The following RNGTT variants were observed in gnomAD, a reference collection of about 807,000 sequenced individuals.
RNGTT encodes the protein mRNA-capping enzyme.
In RNGTT, 33 loss-of-function variants were observed where a neutral mutation model predicts 79.3. The observed-to-expected ratio is 0.42, with a 90% CI of 0.32 to 0.56. RNGTT has a LOEUF of 0.56. Among genes scored for constraint, RNGTT ranks in the 20% least tolerant of loss-of-function variants. The probability of loss-of-function intolerance (pLI) is 0.17; values close to 1 mark genes in which losing one functional copy is unlikely to be tolerated. For missense variants in RNGTT, 497 were observed against 739.1 expected, an observed-to-expected ratio of 0.67 and a Z score of 3.80; for synonymous variants, 222 against 235.9, an observed-to-expected ratio of 0.94 and a Z score of 0.54.
intron 14 of RNGTT, among the ~76,000 whole-genome samples, chr6:88,655,208 T>C (rs545531145): frequency 2.0e-4 from 31 of 152,324 alleles, no homozygotes; most frequent in Non-Finnish European, 3.1e-4. Context: ...AAATAAATAC[T>C]TTACTCTTAA....
At chr6:88,723,257 G>A (rs1234289469) in intron 13 of RNGTT, among the ~76,000 whole-genome samples, 2 of 152,214 alleles carry the variant, frequency 1.3e-5, no homozygotes, top group Non-Finnish European at 2.9e-5. Flanking sequence ...GTGTGTGTTT[G>A]TGTCTTATGT....
chr6:88,695,062 T>C (rs1170516473), intron 13 of RNGTT, among the ~76,000 whole-genome samples: 4 of 152,070 alleles, frequency 2.6e-5, no homozygotes, highest in African/African-American at 4.8e-5. Context: ...ACTGTAAAAC[T>C]ACTGGAAAAA....
chr6:88,742,881 T>A (rs1777540679), intron 13 of RNGTT, among the ~76,000 whole-genome samples: 1 of 152,224 alleles, frequency 6.6e-6, no homozygotes, highest in Non-Finnish European at 1.5e-5. Context: ...TATATTTACA[T>A]GCAAGGCAAA....
intron 1 of RNGTT, among the ~76,000 whole-genome samples, chr6:88,956,273 T>C (rs1417778604): frequency 6.6e-6 from 1 of 151,558 alleles, no homozygotes; most frequent in African/African-American, 2.4e-5. Flanking sequence ...TTCCTGGAAA[T>C]ATACAACCCT....
chr6:88,752,775 G>T, intron 13 of RNGTT, among the ~76,000 whole-genome samples: 1 of 151,984 alleles, frequency 6.6e-6, no homozygotes, highest in East Asian at 1.9e-4. Flanking sequence ...TAAACCAAAG[G>T]AATGCTTGAG....
At chr6:88,961,197 T>C (rs1785606456) in intron 1 of RNGTT, among the ~76,000 whole-genome samples, 1 of 152,200 alleles carries the variant, frequency 6.6e-6, no homozygotes, top group Admixed American at 6.5e-5. Context: ...CCTCAAACAC[T>C]GGATTCCAAG....
chr6:88,801,810 TACACACACACAG>T (rs1779793468), intron 11 of RNGTT, among the ~76,000 whole-genome samples, 178 bp from the exon 12 acceptor site: 1 of 138,356 alleles, frequency 7.2e-6, no homozygotes, highest in Admixed American at 7.3e-5. Flanking sequence ...AAGATTTGAA[TACACACACACAG>T]ACACACACAC....
In RNGTT at chr6:88,751,927, A is replaced by C. The variant is rs117783873; in HGVS notation, c.1439+17847T>G. On this transcript the variant is annotated intron_variant, in intron 13 of 15. Coordinates refer to ENST00000369485, the MANE Select transcript of RNGTT (RefSeq NM_003800.5). The stretch of plus-strand genomic sequence containing the variant: ...AATCTTTTGTCATAATTGTTCCTAT[A>C]ATCCCATCATTCCAAACTTGGAAGT... Among the ~76,000 whole-genome samples, 399 of 152,170 alleles carry C rather than the reference A, an allele frequency of 2.6e-3. 15 individuals are homozygous for C. The East Asian group carries it at 0.068, about 26-fold the overall frequency.
intron 12 of RNGTT, among the ~76,000 whole-genome samples, chr6:88,789,223 C>T (rs1201894396): frequency 6.6e-6 from 1 of 152,100 alleles, no homozygotes; most frequent in African/African-American, 2.4e-5. Context: ...AGCTCAAGAC[C>T]AGCCTGGCCA....
rs140205258 is a variant in RNGTT at position 88,891,815 on chromosome 6, C to T, written c.785G>A (p.Gly262Asp). 9.6e-3 allele frequency: 15,106 copies of T among 1,570,574 alleles called. 140 individuals carry two copies. The highest frequency in any genetic ancestry group is 9.2e-3 in the Non-Finnish European group (10,729 of 1,160,606). ...EVQQKCHQFC[G>D]WEGSGFPGAQ... ...TAAAAATATTTATTACCCTTCCCAG[C>T]CACAGAATTGATGACACTTCTGCTG... Residue 262 changes from glycine to aspartate, a missense_variant, in exon 7 of 16, where the codon GGC becomes GAC. By Grantham distance (94) the Gly-to-Asp change is moderately conservative (BLOSUM62 -1). This residue lies in a region of RNGTT where 440 missense variants were observed against 671.5 expected (regional missense o/e 0.66). Coordinates refer to ENST00000369485, the MANE Select transcript of RNGTT (RefSeq NM_003800.5).
At chr6:88,708,931 A>G (rs898546791) in intron 13 of RNGTT, among the ~76,000 whole-genome samples, 1 of 152,140 alleles carries the variant, frequency 6.6e-6, no homozygotes, top group African/African-American at 2.4e-5. Flanking sequence ...TCTTCGAAAC[A>G]CATAGTATTA....
At chr6:88,817,436 A>C (rs1282156864) in intron 11 of RNGTT, among the ~76,000 whole-genome samples, 1 of 148,888 alleles carries the variant, frequency 6.7e-6, no homozygotes, top group East Asian at 2.0e-4. Flanking sequence ...GAAGCCAGGA[A>C]TTTAAGACCA....
intron 4 of RNGTT, among the ~76,000 whole-genome samples, chr6:88,927,480 T>C (rs1784357925): frequency 6.6e-6 from 1 of 151,964 alleles, no homozygotes; most frequent in South Asian, 2.1e-4. Flanking sequence ...CTGACCAACA[T>C]GGAGAAACCC....
At chr6:88,668,378 G>A (rs1229260257) in intron 14 of RNGTT, among the ~76,000 whole-genome samples, 1 of 152,114 alleles carries the variant, frequency 6.6e-6, no homozygotes, top group Non-Finnish European at 1.5e-5. Context: ...AGTCACACCT[G>A]GAAGCTGACT....
Position 88,764,892 on chromosome 6 carries a change from G to T in RNGTT, c.1439+4882C>A, listed in dbSNP as rs188824658. ...CAATGTTATTATTTCCAATGTGATA[G>T]GTAAAAAATTACATTTTGGGCCAGG... On this transcript the variant is annotated intron_variant, in intron 13 of 15. Coordinates refer to ENST00000369485, the MANE Select transcript of RNGTT (RefSeq NM_003800.5). 3.1e-4 allele frequency among the ~76,000 whole-genome samples: 47 copies of T among 152,146 alleles called. No individual in the cohort carries two copies. In the East Asian group the frequency reaches 8.3e-3, roughly 27 times the overall value.
intron 14 of RNGTT, among the ~76,000 whole-genome samples, chr6:88,633,321 T>G (rs1490336207): frequency 6.6e-6 from 1 of 152,140 alleles, no homozygotes; most frequent in Non-Finnish European, 1.5e-5. Flanking sequence ...GACATCAGAT[T>G]TTAAAACATT....
intron 11 of RNGTT, among the ~76,000 whole-genome samples, chr6:88,821,243 A>G (rs142494081): frequency 6.6e-6 from 1 of 152,292 alleles, no homozygotes; most frequent in East Asian, 1.9e-4. Flanking sequence ...CCGGACCTTC[A>G]CATGCAAAAA....
chr6:88,768,023 G>C (rs1421686513), intron 13 of RNGTT, among the ~76,000 whole-genome samples: 1 of 151,932 alleles, frequency 6.6e-6, no homozygotes, highest in Admixed American at 6.6e-5. Context: ...TCTATCCTTG[G>C]ATTATAATCA....
In RNGTT at chr6:88,622,674, G is replaced by T. The variant is rs116698635; in HGVS notation, c.1507-8279C>A. Among the ~76,000 whole-genome samples, 62 of 152,198 alleles carry T rather than the reference G, an allele frequency of 4.1e-4. 1 individual carries two copies. Among genetic ancestry groups the T allele is most frequent in the African/African-American group, 1.4e-3 (59 of 41,532 alleles). The stretch of plus-strand genomic sequence containing the variant: ...GACAAGTCCCTAGGGGCTGGTACTG[G>T]ATTCTTTTCTTTCTCTAGCAATCTT... On this transcript the variant is annotated intron_variant, in intron 14 of 15. Coordinates refer to ENST00000369485, the MANE Select transcript of RNGTT (RefSeq NM_003800.5).
Sources: gnomAD v4.1 joint callset for allele counts (sites outside exome capture counted in the v4.1 genomes callset) on GRCh38, gnomAD v4.1.1 for gene constraint, gnomAD v4.1.1 regional missense constraint, MANE v1.5 for transcripts, NCBI Gene and HGNC (gene_info 2026-07-23, HGNC 2026-07-21) for gene names.